The following HPS1 variants were observed in gnomAD, a reference collection of about 807,000 sequenced individuals.
The protein encoded by HPS1 is BLOC-3 complex member HPS1.
Under a neutral mutation model 90.6 loss-of-function variants are expected in HPS1, and 59 were observed. The ratio of observed to expected loss-of-function variants is 0.65; its 90% CI spans 0.53 to 0.81. The LOEUF (loss-of-function observed/expected upper bound fraction) is 0.81. Among genes scored for constraint, HPS1 ranks in the 30% least tolerant of loss-of-function variants. The probability of loss-of-function intolerance (pLI) is 0.00; values close to 1 mark genes in which losing one functional copy is unlikely to be tolerated. For synonymous variants in HPS1, 388 were observed against 384.4 expected (o/e 1.01, Z -0.11); for missense variants, 849 against 896.7 (o/e 0.95, Z 0.68).
At chr10:98,436,574 C>G (rs1461004401) in intron 3 of HPS1, among the ~76,000 whole-genome samples, 1 of 152,070 alleles carries the variant, frequency 6.6e-6, no homozygotes, top group African/African-American at 2.4e-5. Flanking sequence ...TCCATTCTCT[C>G]AGCTCTCCAA....
chr10:98,437,805 C>T (rs2136278300), intron 3 of HPS1, among the ~76,000 whole-genome samples: 1 of 152,302 alleles, frequency 6.6e-6, no homozygotes, highest in South Asian at 2.1e-4. Flanking sequence ...GAGGGGATGA[C>T]ATGGTTAAGC....
At chr10:98,426,873 A>C (rs986083161) in intron 11 of HPS1, among the ~76,000 whole-genome samples, 1 of 151,976 alleles carries the variant, frequency 6.6e-6, no homozygotes, top group Non-Finnish European at 1.5e-5. Flanking sequence ...TCCCTTTTTT[A>C]TAGTTTACTT....
At chr10:98,433,216 A>G (rs1429771274) in intron 6 of HPS1, among the ~76,000 whole-genome samples, 1 of 146,280 alleles carries the variant, frequency 6.8e-6, no homozygotes, top group Non-Finnish European at 1.5e-5. Flanking sequence ...TGGGCAACAG[A>G]GCGAGACTCC....
In HPS1 at chr10:98,425,841, T is replaced by A; in HGVS notation, c.1132A>T (p.Ile378Phe). The A allele has an allele frequency of 6.2e-7, 1 of 1,613,960 alleles. No individual in the cohort carries two copies. Among genetic ancestry groups the A allele is most frequent in the South Asian group, 1.1e-5 (1 of 91,082 alleles). The change falls in exon 12 of 20, where the codon ATC becomes TTC. Residue 378 changes from isoleucine to phenylalanine, a missense_variant. Physicochemically the swap from Ile to Phe is conservative, Grantham distance 21. Transcript: ENST00000361490. ...ACCCTGGTCAGGAGCACCAGGTTGA[T>A]GCCCTGCCACAGGGGCAGGCAGTAC... ...TMYCLPLWQG[I>F]NLVLLTRSPS...
Position 98,435,276 on chromosome 10 carries a change from T to A in HPS1, c.394A>T (p.Lys132Ter). 6.2e-7 allele frequency: 1 copy of A among 1,613,898 alleles called. No homozygotes were observed. The highest frequency in any genetic ancestry group is 8.5e-7 in the Non-Finnish European group (1 of 1,180,010). ...GGACCAGCTTTGAAGACTCACTCCTTTCGGATAAGATGACCGTCCACAGTC... is the reference window on the plus strand; with the variant it reads ...GGACCAGCTTTGAAGACTCACTCCTATCGGATAAGATGACCGTCCACAGTC... ...LVTVDGHLIRKELRPPDLAQR... is the reference protein window; with the variant it reads ...LVTVDGHLIR The change falls in exon 5 of 20, where the codon AAG becomes TAG. Residue 132 changes from lysine to a stop codon, truncating the protein, a stop_gained. Coordinates refer to ENST00000361490, the MANE Select transcript of HPS1 (RefSeq NM_000195.5). LOFTEE classifies it high-confidence loss of function. The surrounding 1 kb of genome is among the most constrained non-coding windows in gnomAD (Gnocchi z 4.3).
At chr10:98,414,869 G>C, downstream of HPS1, 1 of 1,295,582 alleles carries the variant, frequency 7.7e-7, no homozygotes, top group Middle Eastern at 2.0e-4. Flanking sequence ...TGCAGCCCCT[G>C]CTAGCGTATA....
rs1844158718 is a variant in HPS1 at position 98,416,684 on chromosome 10, A to C, written c.*880T>G. ...GCCACGCCGTCCTCTCTGGCCCAGCACCGGCCTCCTGGCCTCAGAGGAGCA... is the reference window on the plus strand; with the variant it reads ...GCCACGCCGTCCTCTCTGGCCCAGCCCCGGCCTCCTGGCCTCAGAGGAGCA... On this transcript the variant is annotated 3_prime_UTR_variant, in exon 20 of 20. Coordinates refer to ENST00000361490, the MANE Select transcript of HPS1 (RefSeq NM_000195.5). The C allele has an allele frequency of 6.6e-6, 1 of 152,324 alleles. No individual in the cohort carries two copies. Among genetic ancestry groups the C allele is most frequent in the South Asian group, 2.1e-4 (1 of 4,830 alleles). 9.4% of individuals were successfully genotyped at this position (152,324 alleles called of 1,614,324 possible). A position where few individuals can be genotyped will look rare whatever the true frequency, so the allele number is the denominator to read the frequency against.
At position 98,429,808 on chromosome 10, in the gene HPS1, C is replaced by G; in HGVS notation, c.850G>C (p.Gly284Arg). Residue 284 changes from glycine (G) to arginine (R), a missense_variant, in exon 9 of 20, where the codon GGG becomes CGG. By Grantham distance (125) the Gly-to-Arg change is moderately radical (BLOSUM62 -2). Transcript: ENST00000361490. ...WSPHSTGPTG[G>R]SSAETETDSF... ...GCACACACCGTCTCTGCAGAGCTCC[C>G]CCCAGTTGGGCCCGTGGAGTGAGGG... 1 of 1,613,844 alleles carries G rather than the reference C, an allele frequency of 6.2e-7. No homozygotes were observed. The highest frequency in any genetic ancestry group is 8.5e-7 in the Non-Finnish European group (1 of 1,180,020).
At chr10:98,426,472 C>T (rs920243095) in intron 11 of HPS1, among the ~76,000 whole-genome samples, 13 of 152,298 alleles carry the variant, frequency 8.5e-5, no homozygotes, top group Admixed American at 7.8e-4. Context: ...AGCAAGAAAG[C>T]CTTTAGTGCA....
intron 2 of HPS1, among the ~76,000 whole-genome samples, chr10:98,444,365 T>G (rs1461801367): frequency 6.6e-6 from 1 of 152,088 alleles, no homozygotes; most frequent in Non-Finnish European, 1.5e-5. Flanking sequence ...CCACACTGTG[T>G]GCCATGGCCC....
At chr10:98,421,397 T>C (rs1269509349) in intron 17 of HPS1, among the ~76,000 whole-genome samples, 1 of 152,248 alleles carries the variant, frequency 6.6e-6, no homozygotes, top group Non-Finnish European at 1.5e-5. Flanking sequence ...AGAAATAATC[T>C]GTATGTCTAA....
chr10:98,437,090 C>T (rs924902082), intron 3 of HPS1, among the ~76,000 whole-genome samples: 5 of 152,128 alleles, frequency 3.3e-5, no homozygotes, highest in African/African-American at 1.2e-4. Flanking sequence ...TTTAACTTCT[C>T]CAGACTATTT....
At position 98,429,654 on chromosome 10, in the gene HPS1, A is replaced by G. The variant is rs753071701; in HGVS notation, c.868-12T>C. 1.3e-5 allele frequency: 21 copies of G among 1,614,004 alleles called. No individual in the cohort carries two copies. The African/African-American group carries it at 2.0e-4, about 15-fold the overall frequency. ...AAGCTGTCTGTCTCCTGGAATGGAG[A>G]AGGTGGCTCAGGTTGAGAGGCTCTC... On this transcript the variant is annotated splice_polypyrimidine_tract_variant and intron_variant, in intron 9 of 19. Coordinates refer to ENST00000361490, the MANE Select transcript of HPS1 (RefSeq NM_000195.5).
chr10:98,418,006 A>C (rs962405876), intron 19 of HPS1, 169 bp downstream of exon 19: 10 of 639,100 alleles, frequency 1.6e-5, no homozygotes, highest in Non-Finnish European at 2.5e-5. Flanking sequence ...TGTACCCTCC[A>C]CACCCGTCCT....
intron 11 of HPS1, among the ~76,000 whole-genome samples, chr10:98,426,925 T>G (rs1168410811): frequency 6.7e-6 from 1 of 150,312 alleles, no homozygotes; most frequent in Non-Finnish European, 1.5e-5. Flanking sequence ...ACATGCTCAC[T>G]TAAAAAAAAA....
rs1160233477 is a variant in HPS1 at position 98,433,965 on chromosome 10, C to T, written c.507+18G>A. 6.4e-7 allele frequency: 1 copy of T among 1,552,430 alleles called. No homozygotes were observed. The highest frequency in any genetic ancestry group is 2.0e-5 in the Admixed American group (1 of 51,138). On this transcript the variant is annotated intron_variant, in intron 6 of 19. Coordinates refer to ENST00000361490, the MANE Select transcript of HPS1 (RefSeq NM_000195.5). ...CTGACAGCTTCAAGTCCTGAGGACT[C>T]CCGCGCCCAGTAGTCACCTCCACGG...
At chr10:98,426,019 GA>G in intron 11 of HPS1, 34 bp from the exon 12 acceptor site, 1 of 1,606,690 alleles carries the variant, frequency 6.2e-7, no homozygotes, top group Non-Finnish European at 8.5e-7. Flanking sequence ...TGAGAGGTGG[GA>G]TCCCTAAGTT....
rs56378825 is a variant in HPS1 at position 98,429,879 on chromosome 10, C to T, written c.779G>A (p.Arg260Gln). 1.3e-3 allele frequency: 2,086 copies of T among 1,611,496 alleles called. 33 individuals are homozygous for T. In the African/African-American group the frequency reaches 0.025, roughly 19 times the overall value. ...GATGTTCTGGCTGCTCCGGGCCCTCCGCGGGGAAGGCTGTGCAGGGCAGGG... is the reference window on the plus strand; with the variant it reads ...GATGTTCTGGCTGCTCCGGGCCCTCTGCGGGGAAGGCTGTGCAGGGCAGGG... The part of the protein sequence containing the change: ...TAEDDIQPSP[R>Q]RARSSQNIPV... Residue 260 changes from arginine to glutamine, a missense_variant, in exon 9 of 20, where the codon CGG (arginine) becomes CAG (glutamine). By Grantham distance (43) the Arg-to-Gln change is conservative. Transcript: ENST00000361490.
intron 3 of HPS1, among the ~76,000 whole-genome samples, chr10:98,439,151 C>T (rs1465469609): frequency 6.6e-6 from 1 of 152,178 alleles, no homozygotes. Context: ...AGGGGCAGAG[C>T]CCTCATGGAG....
Sources: gnomAD v4.1 joint callset for allele counts (sites outside exome capture counted in the v4.1 genomes callset) on GRCh38, gnomAD v4.1.1 for gene constraint, Gnocchi (gnomAD v3.1) non-coding constraint, MANE v1.5 for transcripts, NCBI Gene and HGNC (gene_info 2026-07-23, HGNC 2026-07-21) for gene names.